IGF1: variants seen among roughly 807,000 people sequenced by gnomAD.
The protein encoded by IGF1 is insulin like growth factor 1, also known as insulin-like growth factor 1.
IGF1 carries 4 observed loss-of-function variants against 13.8 expected under a neutral mutation model. That is an observed-to-expected ratio of 0.29 (90% CI 0.14 to 0.66). The LOEUF (loss-of-function observed/expected upper bound fraction) is 0.66. Ranked by LOEUF, IGF1 falls within the 30% of genes least tolerant of loss-of-function variation. The pLI, the probability that IGF1 is intolerant of heterozygous loss-of-function variation, is 0.78. For missense variants in IGF1, 124 were observed against 188.5 expected (o/e 0.66, Z 2.00); for synonymous variants, 76 against 72.6 (o/e 1.05, Z -0.23).
At chr12:102,454,614 G>A (rs1879233524) in intron 2 of IGF1, among the ~76,000 whole-genome samples, 3 of 152,164 alleles carry the variant, frequency 2.0e-5, no homozygotes, top group Admixed American at 2.0e-4. Flanking sequence ...GAATATTTAG[G>A]CCAGCCTATT....
chr12:102,420,922 A>G (rs148157798), intron 2 of IGF1, among the ~76,000 whole-genome samples: 10 of 152,320 alleles, frequency 6.6e-5, no homozygotes, highest in Non-Finnish European at 1.3e-4. Context: ...TTAAATCACA[A>G]GTCTATGTTT....
chr12:102,466,267 T>C (rs1880303250), intron 2 of IGF1, among the ~76,000 whole-genome samples: 1 of 152,204 alleles, frequency 6.6e-6, no homozygotes, highest in African/African-American at 2.4e-5. Flanking sequence ...TGACTGAGAA[T>C]TGATGTGTTA....
intron 2 of IGF1, among the ~76,000 whole-genome samples, chr12:102,446,385 C>G (rs1878329982): frequency 6.6e-6 from 1 of 152,082 alleles, no homozygotes; most frequent in Non-Finnish European, 1.5e-5. Flanking sequence ...CTATTAATTA[C>G]TGCCTCAATT....
intron 2 of IGF1, among the ~76,000 whole-genome samples, chr12:102,473,579 C>T (rs564868156): frequency 3.7e-4 from 56 of 152,302 alleles, no homozygotes; most frequent in Non-Finnish European, 6.8e-4. Flanking sequence ...TCATGACACA[C>T]ATATTTTCAA....
intron 2 of IGF1, among the ~76,000 whole-genome samples, chr12:102,432,114 C>T (rs1435849464): frequency 6.6e-6 from 1 of 152,174 alleles, no homozygotes; most frequent in African/African-American, 2.4e-5. Flanking sequence ...CAGATACATA[C>T]ATTATTTTGG....
At chr12:102,407,244 G>A (rs1565961630) in intron 3 of IGF1, among the ~76,000 whole-genome samples, 2 of 152,000 alleles carry the variant, frequency 1.3e-5, no homozygotes, top group African/African-American at 4.8e-5. Flanking sequence ...CACCACATGA[G>A]GTGATGCGGT....
Position 102,480,391 on chromosome 12 carries a change from A to AGT in IGF1, c.-12_-11dup, listed in dbSNP as rs775534027. The stretch of plus-strand genomic sequence containing the variant: ...TGCTGATTTTTCCCATTGCTTCTGA[A>AGT]GTACAAAGTCTGAAAATGAATTGGT... On this transcript the variant is annotated 5_prime_UTR_variant, in exon 1 of 4. Coordinates refer to ENST00000337514, the MANE Select transcript of IGF1 (RefSeq NM_000618.5). 9 of 1,613,490 alleles carry AGT rather than the reference A, an allele frequency of 5.6e-6. No homozygotes were observed. The South Asian group carries it at 9.9e-5, about 18-fold the overall frequency.
intron 2 of IGF1, among the ~76,000 whole-genome samples, chr12:102,458,822 A>G (rs548458493): frequency 4.6e-5 from 7 of 152,000 alleles, no homozygotes; most frequent in Non-Finnish European, 8.8e-5. Flanking sequence ...ATCTGGTAGA[A>G]GATTTTACAG....
chr12:102,449,987 G>C (rs1878773887), intron 2 of IGF1, among the ~76,000 whole-genome samples: 1 of 152,104 alleles, frequency 6.6e-6, no homozygotes, highest in African/African-American at 2.4e-5. Flanking sequence ...GAGTTCTCAA[G>C]AAGTGCTCAG....
At chr12:102,443,525 T>C (rs1476807473) in intron 2 of IGF1, among the ~76,000 whole-genome samples, 4 of 152,074 alleles carry the variant, frequency 2.6e-5, no homozygotes, top group Non-Finnish European at 5.9e-5. Flanking sequence ...ACTATGTATC[T>C]TGGGACTACT....
intron 2 of IGF1, among the ~76,000 whole-genome samples, chr12:102,455,646 G>A (rs1879323860): frequency 6.6e-6 from 1 of 152,172 alleles, no homozygotes; most frequent in Admixed American, 6.5e-5. Context: ...TTAGTTTGCA[G>A]TAGCTGAAAT....
At chr12:102,402,658 C>T (rs749864229) in intron 3 of IGF1, 92 bp from the exon 4 acceptor site, 94 of 767,070 alleles carry the variant, frequency 1.2e-4, no homozygotes, top group Middle Eastern at 2.9e-4. Context: ...CCATGTCTTA[C>T]GCCTTACCAG....
intron 2 of IGF1, among the ~76,000 whole-genome samples, chr12:102,471,711 G>A (rs1056797022): frequency 1.4e-4 from 21 of 152,038 alleles, no homozygotes; most frequent in African/African-American, 4.8e-4. Context: ...TCCCCAGACC[G>A]CCAAGGTAAA....
intron 2 of IGF1, among the ~76,000 whole-genome samples, chr12:102,442,735 G>A (rs530008181): frequency 1.3e-5 from 2 of 152,230 alleles, no homozygotes; most frequent in Admixed American, 6.5e-5. Flanking sequence ...CTGGCTAATG[G>A]ATAGAGTATA....
intron 2 of IGF1, among the ~76,000 whole-genome samples, chr12:102,441,543 C>T (rs1877717421): frequency 2.6e-5 from 4 of 152,124 alleles, no homozygotes; most frequent in Admixed American, 2.6e-4. Flanking sequence ...ATTTGGGAAG[C>T]AGGCTATAGA....
Position 102,402,523 on chromosome 12 carries a change from T to C in IGF1, c.446A>G (p.Lys149Arg). The C allele has an allele frequency of 1.3e-6, 1 of 780,906 alleles. No individual in the cohort carries two copies. Among genetic ancestry groups the C allele is most frequent in the Non-Finnish European group, 2.4e-6 (1 of 417,990 alleles). The allele number at this position is 780,906 out of a possible 1,614,324, so 48.4% of individuals were successfully genotyped here. A position where few individuals can be genotyped will look rare whatever the true frequency, so the allele number is the denominator to read the frequency against. Residue 149 changes from lysine (K) to arginine (R), a missense_variant, in exon 4 of 4, where the codon AAG becomes AGG. By Grantham distance (26) the Lys-to-Arg change is conservative. Transcript: ENST00000337514. ...KNASRGSAGN[K>R]NYRM ...AGGGTCTTCCTACATCCTGTAGTTC[T>C]TGTTTCCTGCACTCCCTCTACTTGC...
intron 2 of IGF1, among the ~76,000 whole-genome samples, chr12:102,444,448 C>A (rs1189778669): frequency 6.6e-6 from 1 of 151,884 alleles, no homozygotes; most frequent in African/African-American, 2.4e-5. Context: ...CCCAATACCA[C>A]CTCAACTTCA....
rs527983684 is a variant in IGF1 at position 102,475,723 on chromosome 12, G to A, written c.140C>T (p.Thr47Met). 1.2e-5 allele frequency: 19 copies of A among 1,614,196 alleles called. No individual in the cohort carries two copies. Among genetic ancestry groups the A allele is most frequent in the East Asian group, 1.1e-4 (5 of 44,884 alleles). ...CCCGCAGAGCGTCTCCGGTCCAGCCGTGGCAGAGCTGGTGAAGGTGAGCAG... is the reference window on the plus strand; with the variant it reads ...CCCGCAGAGCGTCTCCGGTCCAGCCATGGCAGAGCTGGTGAAGGTGAGCAG... The part of the protein sequence containing the change: ...LCLLTFTSSA[T>M]AGPETLCGAE... Residue 47 changes from threonine to methionine, a missense_variant, in exon 2 of 4, where the codon ACG becomes ATG. Physicochemically the swap from Thr to Met is moderately conservative, Grantham distance 81. This residue lies in a region of IGF1 where 99 missense variants were observed against 171.4 expected (regional missense o/e 0.58). Transcript: ENST00000337514.
intron 2 of IGF1, among the ~76,000 whole-genome samples, chr12:102,445,062 T>C (rs928507710): frequency 6.6e-5 from 10 of 152,118 alleles, no homozygotes; most frequent in Admixed American, 4.6e-4. Flanking sequence ...TGTAGCGTTA[T>C]TTCTGAGGCC....
Sources: allele counts gnomAD v4.1 joint callset (sites outside exome capture counted in the v4.1 genomes callset), GRCh38; gene constraint gnomAD v4.1.1; regional missense constraint gnomAD v4.1.1; transcripts MANE v1.5; gene names NCBI Gene and HGNC (gene_info 2026-07-23, HGNC 2026-07-21).